The following NELL2 variants were observed in gnomAD, a reference collection of about 807,000 sequenced individuals.
NELL2 encodes the protein protein kinase C-binding protein NELL2.
A neutral mutation model predicts 109.6 loss-of-function variants in NELL2; 41 were observed. The ratio of observed to expected loss-of-function variants is 0.37; its 90% CI spans 0.29 to 0.49. The LOEUF is 0.49. Among genes scored for constraint, NELL2 ranks in the 20% least tolerant of loss-of-function variants. The probability of loss-of-function intolerance (pLI) is 0.98; values close to 1 mark genes in which losing one functional copy is unlikely to be tolerated. For missense variants in NELL2, 900 were observed against 1,008.3 expected (o/e 0.89, Z 1.45); for synonymous variants, 355 against 344.7 (o/e 1.03, Z -0.33).
upstream of NELL2, chr12:44,881,001 A>G (rs1010222276): frequency 4.0e-4 from 61 of 152,026 alleles, no homozygotes; most frequent in African/African-American, 1.5e-3. Flanking sequence ...TAGTGGTCTA[A>G]GAAATAGACC....
chr12:44,796,610 A>G (rs1942629621), intron 3 of NELL2, among the ~76,000 whole-genome samples: 2 of 152,164 alleles, frequency 1.3e-5, no homozygotes, highest in African/African-American at 4.8e-5. Context: ...TAAACACATT[A>G]TTAAGTGAAA....
intron 11 of NELL2, among the ~76,000 whole-genome samples, chr12:44,704,908 A>G (rs1274710190): frequency 6.6e-6 from 1 of 151,354 alleles, no homozygotes; most frequent in East Asian, 2.0e-4. Flanking sequence ...AATCCCAGTT[A>G]CTCTGGAGGC....
At chr12:44,673,011 T>G (rs999359193) in intron 12 of NELL2, among the ~76,000 whole-genome samples, 4 of 152,186 alleles carry the variant, frequency 2.6e-5, no homozygotes, top group African/African-American at 9.7e-5. Flanking sequence ...ACATATAAGA[T>G]TCATGACCAA....
chr12:44,767,161 G>A (rs114688080), intron 9 of NELL2, among the ~76,000 whole-genome samples: 1,627 of 152,302 alleles, frequency 0.011, 27 homozygotes, highest in African/African-American at 0.036. Flanking sequence ...ATTTATTGAA[G>A]ATGCAGAGCA....
At chr12:44,678,232 CA>C (rs1948381429) in intron 12 of NELL2, among the ~76,000 whole-genome samples, 1 of 152,028 alleles carries the variant, frequency 6.6e-6, no homozygotes, top group Admixed American at 6.6e-5. Flanking sequence ...CTTTTGAACA[CA>C]CCTATATTTG....
intron 15 of NELL2, among the ~76,000 whole-genome samples, chr12:44,536,214 G>A (rs945900803): frequency 3.3e-5 from 5 of 151,862 alleles, no homozygotes; most frequent in African/African-American, 1.2e-4. Flanking sequence ...TTGATGGTAT[G>A]CATATCCTTA....
intron 2 of NELL2, among the ~76,000 whole-genome samples, chr12:44,869,513 C>T: frequency 6.6e-6 from 1 of 152,102 alleles, no homozygotes; most frequent in Non-Finnish European, 1.5e-5. Context: ...TCTTTCAGGC[C>T]ACACCAGCAG....
intron 3 of NELL2, among the ~76,000 whole-genome samples, chr12:44,814,750 T>C (rs1943284744): frequency 6.6e-6 from 1 of 152,220 alleles, no homozygotes; most frequent in Non-Finnish European, 1.5e-5. Context: ...AGTATGTCCC[T>C]AGGAACCTTC....
chr12:44,683,884 T>C (rs1420327793), intron 12 of NELL2, among the ~76,000 whole-genome samples: 2 of 152,220 alleles, frequency 1.3e-5, no homozygotes. Context: ...AAATTCTCTT[T>C]TTTGGTTGTG....
chr12:44,600,265 T>C (rs1316094956), intron 15 of NELL2, among the ~76,000 whole-genome samples: 3 of 151,472 alleles, frequency 2.0e-5, no homozygotes, highest in African/African-American at 7.3e-5. Flanking sequence ...CGCCTCGTCC[T>C]CCGAAAGTGC....
intron 1 of NELL2, among the ~76,000 whole-genome samples, chr12:44,892,683 AGCT>A (rs1364759187): frequency 6.6e-6 from 1 of 151,298 alleles, no homozygotes; most frequent in African/African-American, 2.4e-5. Flanking sequence ...CTGTACTCCC[AGCT>A]ACTCGGGAGG....
At chr12:44,644,604 G>GTGTATATATATATATATATATA (rs1241074750) in intron 13 of NELL2, among the ~76,000 whole-genome samples, 3 of 81,240 alleles carry the variant, frequency 3.7e-5, no homozygotes, top group African/African-American at 1.1e-4. Flanking sequence ...ATATATATAT[G>GTGTATATATATATATATATATA]TATGTATATA....
chr12:44,607,389 G>T, intron 14 of NELL2, 125 bp from the exon 15 acceptor site: 1 of 660,950 alleles, frequency 1.5e-6, no homozygotes, highest in Non-Finnish European at 2.4e-6. Context: ...TTTTAATTTT[G>T]TTTTCATGTA....
intron 2 of NELL2, among the ~76,000 whole-genome samples, chr12:44,868,010 C>T (rs1213566881): frequency 6.7e-6 from 1 of 149,328 alleles, no homozygotes; most frequent in African/African-American, 2.5e-5. Flanking sequence ...ATCTCAGCTA[C>T]TTGGGAGGCT....
In NELL2 at chr12:44,920,418, G is replaced by A. The variant is rs117262791; in HGVS notation, c.-32+1372C>T. On this transcript the variant is annotated intron_variant, in intron 1 of 9. Transcript: ENST00000552993. The stretch of plus-strand genomic sequence containing the variant: ...ACTAAAGAATTGTCACTAAAAAGAT[G>A]TGGAAGAAGATGTTTTGTATTGAAT... 7.0e-3 allele frequency among the ~76,000 whole-genome samples: 1,071 copies of A among 152,204 alleles called. 58 individuals carry two copies. The East Asian group carries it at 0.16, about 22-fold the overall frequency.
intron 2 of NELL2, among the ~76,000 whole-genome samples, chr12:44,853,483 T>C (rs752814498): frequency 1.8e-4 from 28 of 152,140 alleles, no homozygotes; most frequent in Non-Finnish European, 2.8e-4. Flanking sequence ...CTCCCCTTTA[T>C]TTGGGATATG....
chr12:44,626,314 T>C (rs1946261872), intron 13 of NELL2, among the ~76,000 whole-genome samples: 1 of 152,184 alleles, frequency 6.6e-6, no homozygotes, highest in East Asian at 1.9e-4. Flanking sequence ...CTGGCCTCTC[T>C]GTGTTCCTTG....
At chr12:44,722,297 T>C (rs921558117) in intron 9 of NELL2, among the ~76,000 whole-genome samples, 6 of 152,166 alleles carry the variant, frequency 3.9e-5, no homozygotes, top group African/African-American at 7.2e-5. Context: ...TCCTGAGTAG[T>C]TGGGACTACA....
At position 44,774,807 on chromosome 12, in the gene NELL2, C is replaced by G. The variant is rs1179926292; in HGVS notation, c.934G>C (p.Asp312His). ...GCAAGAGCCGACTTAAGTGGGCAGT[C>G]AGGATTTGGGCAGATTAGAGTTTCA... ...QCETLICPNP[D>H]CPLKSALAYV... Residue 312 changes from aspartate (D) to histidine (H), a missense_variant, in exon 9 of 20, where the codon GAC (aspartate) becomes CAC (histidine). Physicochemically the swap from Asp to His is moderately conservative, Grantham distance 81 (BLOSUM62 -1). Transcript: ENST00000429094. 3 of 1,613,992 alleles carry G rather than the reference C, an allele frequency of 1.9e-6. No individual in the cohort carries two copies. The highest frequency in any genetic ancestry group is 2.5e-6 in the Non-Finnish European group (3 of 1,180,016).
Sources: allele counts gnomAD v4.1 joint callset (sites outside exome capture counted in the v4.1 genomes callset), GRCh38; gene constraint gnomAD v4.1.1; transcripts MANE v1.5; gene names NCBI Gene and HGNC (gene_info 2026-07-23, HGNC 2026-07-21).